The following RPH3AL variants were observed in gnomAD, a reference collection of about 807,000 sequenced individuals.
RPH3AL encodes the protein rab effector Noc2.
RPH3AL carries 38 observed loss-of-function variants against 43.1 expected under a neutral mutation model. The ratio of observed to expected loss-of-function variants is 0.88; its 90% CI spans 0.68 to 1.15. The LOEUF (loss-of-function observed/expected upper bound fraction) is 1.15. Among genes scored for constraint, RPH3AL ranks in the 50% most tolerant of loss-of-function variants. The probability of loss-of-function intolerance (pLI) is 0.00; values close to 1 mark genes in which losing one functional copy is unlikely to be tolerated. For missense variants in RPH3AL, 462 were observed against 423.2 expected (o/e 1.09, Z -0.81); for synonymous variants, 189 against 176.3 (o/e 1.07, Z -0.57).
chr17:296,584 A>G (rs2043186429), intron 5 of RPH3AL, among the ~76,000 whole-genome samples: 1 of 152,186 alleles, frequency 6.6e-6, no homozygotes. Flanking sequence ...CCCAGAGGCC[A>G]GGCGAGTCCC....
chr17:311,336 A>T (rs2043641411), intron 5 of RPH3AL, among the ~76,000 whole-genome samples: 1 of 152,126 alleles, frequency 6.6e-6, no homozygotes, highest in African/African-American at 2.4e-5. Flanking sequence ...TCATCCTCAC[A>T]GTTGAGCACT....
intron 2 of RPH3AL, chr17:331,517 G>T: frequency 8.2e-7 from 1 of 1,218,280 alleles, no homozygotes; most frequent in African/African-American, 1.6e-5. Flanking sequence ...ACCTCAGAAG[G>T]CACAGCTGTC....
chr17:326,254 A>G (rs1201287689), intron 3 of RPH3AL, among the ~76,000 whole-genome samples: 10 of 152,366 alleles, frequency 6.6e-5, no homozygotes, highest in Admixed American at 4.6e-4. Flanking sequence ...CAAATCACGC[A>G]TGACTCCGCT....
chr17:229,642 C>CA (rs922138112), intron 7 of RPH3AL, among the ~76,000 whole-genome samples: 5 of 152,140 alleles, frequency 3.3e-5, no homozygotes, highest in African/African-American at 9.7e-5. Context: ...CTCAGCCTGG[C>CA]AAAAAACAGC....
At chr17:316,799 T>A (rs1245688171) in intron 5 of RPH3AL, among the ~76,000 whole-genome samples, 59 of 111,336 alleles carry the variant, frequency 5.3e-4, no homozygotes, top group African/African-American at 2.3e-3. Context: ...CATTGACCTG[T>A]AGTCCCTGTG....
intron 1 of RPH3AL, among the ~76,000 whole-genome samples, chr17:350,461 A>C (rs2045330619): frequency 6.6e-6 from 1 of 152,076 alleles, no homozygotes; most frequent in Non-Finnish European, 1.5e-5. Context: ...AAATACAAAA[A>C]TTAGCTGGGC....
chr17:332,860 C>T, intron 2 of RPH3AL: 1 of 497,688 alleles, frequency 2.0e-6, no homozygotes, highest in South Asian at 2.0e-5. Context: ...AGCACTCGGG[C>T]TGGCCGGCCC....
intron 7 of RPH3AL, among the ~76,000 whole-genome samples, chr17:240,607 G>C (rs984860614): frequency 6.6e-6 from 1 of 152,160 alleles, no homozygotes; most frequent in Non-Finnish European, 1.5e-5. Context: ...GGCTCATCCA[G>C]GCTGCAGCGT....
chr17:328,479 C>T lies in RPH3AL; in HGVS notation c.-36-900G>A, dbSNP rs950341064. On this transcript the variant is annotated intron_variant, in intron 2 of 9. Coordinates refer to ENST00000331302, the MANE Select transcript of RPH3AL (RefSeq NM_006987.4). The surrounding 1 kb of genome is among the most constrained non-coding windows in gnomAD (Gnocchi z 4.2). ...TACACTCTTAAAAAAGATCCAGGTTCGAAATCCGTTTGACACTTCCTCAAA... is the reference window on the plus strand; with the variant it reads ...TACACTCTTAAAAAAGATCCAGGTTTGAAATCCGTTTGACACTTCCTCAAA... Among the ~76,000 whole-genome samples, 4 of 151,750 alleles carry T rather than the reference C, an allele frequency of 2.6e-5. No homozygotes were observed. Among genetic ancestry groups the T allele is most frequent in the South Asian group, 2.1e-4 (1 of 4,804 alleles).
intron 5 of RPH3AL, chr17:306,411 C>G (rs1015372768): frequency 6.6e-6 from 1 of 152,270 alleles, no homozygotes; most frequent in Admixed American, 6.5e-5. Context: ...TGGCAAGGGA[C>G]TAACCTCCAC....
chr17:228,381 C>A (rs865775470), intron 7 of RPH3AL, among the ~76,000 whole-genome samples: 1 of 151,976 alleles, frequency 6.6e-6, no homozygotes, highest in Admixed American at 6.6e-5. Context: ...GGCTCGCCTG[C>A]GGAGAGGGGG....
chr17:220,357 C>G (rs2040936133), intron 7 of RPH3AL, among the ~76,000 whole-genome samples: 1 of 151,012 alleles, frequency 6.6e-6, no homozygotes, highest in Admixed American at 6.6e-5. Flanking sequence ...ACAATAGACC[C>G]AAGCACATCA....
At chr17:272,477 C>T (rs2042489855) in intron 6 of RPH3AL, among the ~76,000 whole-genome samples, 1 of 151,018 alleles carries the variant, frequency 6.6e-6, no homozygotes, top group Non-Finnish European at 1.5e-5. Flanking sequence ...AAGCTGGAAA[C>T]CATCATTCTC....
intron 5 of RPH3AL, among the ~76,000 whole-genome samples, chr17:294,232 G>GGGAT (rs2043115955): frequency 6.6e-6 from 1 of 151,868 alleles, no homozygotes; most frequent in African/African-American, 2.4e-5. Context: ...ACGCCAGCAT[G>GGGAT]GGATGGACCA....
At position 328,084 on chromosome 17, in the gene RPH3AL, C is replaced by A. The variant is rs2044659642; in HGVS notation, c.-36-505G>T. Among the ~76,000 whole-genome samples the A allele has an allele frequency of 6.6e-6, 1 of 152,080 alleles. No homozygotes were observed. The highest frequency in any genetic ancestry group is 2.4e-5 in the African/African-American group (1 of 41,388). ...CTCACACCGATGATCACAATGCCCTCGAGGGCAGGCAAGAGGGCAGGGGGT... is the reference window on the plus strand; with the variant it reads ...CTCACACCGATGATCACAATGCCCTAGAGGGCAGGCAAGAGGGCAGGGGGT... On this transcript the variant is annotated intron_variant, in intron 2 of 9. Coordinates refer to ENST00000331302, the MANE Select transcript of RPH3AL (RefSeq NM_006987.4). The surrounding 1 kb of genome is among the most constrained non-coding windows in gnomAD (Gnocchi z 4.2).
chr17:277,579 AC>A (rs2042682817), intron 6 of RPH3AL, among the ~76,000 whole-genome samples: 1 of 152,206 alleles, frequency 6.6e-6, no homozygotes, highest in African/African-American at 2.4e-5. Context: ...CAGACAGAGT[AC>A]CCTTTAAAAG....
chr17:303,705 G>A (rs1197383870), intron 5 of RPH3AL, among the ~76,000 whole-genome samples: 20 of 45,894 alleles, frequency 4.4e-4, no homozygotes, highest in African/African-American at 2.2e-3. Flanking sequence ...GCTGTACTGA[G>A]GTTTTAATAA....
intron 3 of RPH3AL, 190 bp from the exon 4 acceptor site, chr17:321,605 GC>G: frequency 1.7e-6 from 1 of 575,100 alleles, no homozygotes; most frequent in Non-Finnish European, 2.9e-6. Flanking sequence ...AACAGAGACG[GC>G]CCAGGTGGCA....
At chr17:254,439 G>T (rs2042008792) in intron 6 of RPH3AL, among the ~76,000 whole-genome samples, 1 of 13,874 alleles carries the variant, frequency 7.2e-5, no homozygotes, top group Non-Finnish European at 1.1e-4. Context: ...CTTCCTATGA[G>T]GGGAGCCGCA....
Sources: allele counts gnomAD v4.1 joint callset (sites outside exome capture counted in the v4.1 genomes callset), GRCh38; gene constraint gnomAD v4.1.1; non-coding constraint Gnocchi (gnomAD v3.1); transcripts MANE v1.5; gene names NCBI Gene and HGNC (gene_info 2026-07-23, HGNC 2026-07-21).